Variants in USP42 observed in about 807,000 individuals in gnomAD.
USP42 encodes ubiquitin carboxyl-terminal hydrolase 42.
Under a neutral mutation model 113.0 loss-of-function variants are expected in USP42, and 23 were observed. The ratio of observed to expected loss-of-function variants is 0.20; its 90% CI spans 0.15 to 0.29. The LOEUF is 0.29. Ranked by LOEUF, USP42 falls within the 10% of genes least tolerant of loss-of-function variation. The probability of loss-of-function intolerance (pLI) is 1.00; values close to 1 mark genes in which losing one functional copy is unlikely to be tolerated. For synonymous variants in USP42, 933 were observed against 699.0 expected (o/e 1.33, Z -5.28); for missense variants, 2,174 against 1,779.8 (o/e 1.22, Z -3.99).
chr7:6,100,816 G>A (rs1583553461), upstream of USP42, among the ~76,000 whole-genome samples: 1 of 149,590 alleles, frequency 6.7e-6, no homozygotes, highest in Admixed American at 6.6e-5. Flanking sequence ...ATAGGCGCGC[G>A]CTACCACACT....
upstream of USP42, among the ~76,000 whole-genome samples, chr7:6,102,238 C>A (rs1790149055): frequency 6.7e-6 from 1 of 148,740 alleles, no homozygotes; most frequent in Non-Finnish European, 1.5e-5. Context: ...GCCTCAGCCT[C>A]CCAGTAGCTG....
At chr7:6,115,642 A>C (rs1562806613) in intron 3 of USP42, 119 bp downstream of exon 3, 1 of 1,266,666 alleles carries the variant, frequency 7.9e-7, no homozygotes, top group African/African-American at 1.5e-5. Flanking sequence ...AAGTTGGTTT[A>C]TTCTTTTAGA....
At chr7:6,117,193 T>C (rs1232181894) in intron 3 of USP42, among the ~76,000 whole-genome samples, 1 of 152,152 alleles carries the variant, frequency 6.6e-6, no homozygotes, top group African/African-American at 2.4e-5. Flanking sequence ...AATCACCCTT[T>C]CCATCCTTTC....
In USP42 at chr7:6,125,378, T is replaced by G. The variant is rs568286219; in HGVS notation, c.442+9855T>G. ...GGTGGCAGATGCCTGTAATCTCAGCTACTTCGGAGACTGAGGTGGGAGAAT... is the reference window on the plus strand; with the variant it reads ...GGTGGCAGATGCCTGTAATCTCAGCGACTTCGGAGACTGAGGTGGGAGAAT... On this transcript the variant is annotated intron_variant, in intron 3 of 17. Transcript: ENST00000306177. 3.4e-3 allele frequency among the ~76,000 whole-genome samples: 520 copies of G among 151,986 alleles called. 2 individuals carry two copies. The highest frequency in any genetic ancestry group is 4.0e-3 in the Non-Finnish European group (272 of 67,986).
intron 1 of USP42, among the ~76,000 whole-genome samples, chr7:6,109,154 A>T (rs1779453816): frequency 6.6e-6 from 1 of 152,202 alleles, no homozygotes; most frequent in Non-Finnish European, 1.5e-5. Flanking sequence ...TAAACTGAGA[A>T]GTGGAAGTGT....
chr7:6,114,970 G>T (rs146696768), intron 2 of USP42, among the ~76,000 whole-genome samples: 1 of 151,874 alleles, frequency 6.6e-6, no homozygotes, highest in African/African-American at 2.4e-5. Flanking sequence ...GATTATAGGC[G>T]TGAGCCACTG....
At chr7:6,135,105 C>T (rs1034521731) in intron 3 of USP42, among the ~76,000 whole-genome samples, 2 of 152,182 alleles carry the variant, frequency 1.3e-5, no homozygotes, top group Non-Finnish European at 2.9e-5. Context: ...AGTGATGTCT[C>T]ATCCCTGCTG....
intron 2 of USP42, among the ~76,000 whole-genome samples, chr7:6,114,627 C>CGT (rs1380835040): frequency 2.7e-5 from 3 of 112,180 alleles, no homozygotes; most frequent in Non-Finnish European, 5.0e-5. Flanking sequence ...ACATAAAATA[C>CGT]GTGTGTGTGT....
chr7:6,138,003 T>G (rs531888276), intron 4 of USP42, among the ~76,000 whole-genome samples: 1 of 152,298 alleles, frequency 6.6e-6, no homozygotes, highest in East Asian at 1.9e-4. Context: ...TTATACATAT[T>G]TATATAGCAG....
At chr7:6,113,065 A>G (rs1446885576) in intron 2 of USP42, among the ~76,000 whole-genome samples, 3 of 151,416 alleles carry the variant, frequency 2.0e-5, no homozygotes, top group Admixed American at 6.6e-5. Flanking sequence ...CACCATGCCC[A>G]GCTACATTTT....
intron 3 of USP42, among the ~76,000 whole-genome samples, chr7:6,130,359 G>A (rs187826692): frequency 6.6e-6 from 1 of 152,170 alleles, no homozygotes; most frequent in African/African-American, 2.4e-5. Flanking sequence ...TCCCCACATG[G>A]TCTCCACGGA....
chr7:6,096,543 C>T, the USP42 span, among the ~76,000 whole-genome samples: 3 of 151,234 alleles, frequency 2.0e-5, no homozygotes, highest in East Asian at 5.8e-4. Flanking sequence ...TTCATCTGTA[C>T]GTTGTTGGGG....
intron 4 of USP42, among the ~76,000 whole-genome samples, chr7:6,136,892 C>T (rs557041859): frequency 7.9e-4 from 120 of 151,736 alleles, no homozygotes; most frequent in African/African-American, 2.8e-3. Context: ...ATCCTCTTGC[C>T]CCAGTTGAGT....
intron 17 of USP42, among the ~76,000 whole-genome samples, 152 bp from the exon 18 acceptor site, chr7:6,160,403 C>G (rs577228740): frequency 6.7e-6 from 1 of 148,902 alleles, no homozygotes; most frequent in South Asian, 2.1e-4. Context: ...CCAGTTCCCT[C>G]ATTTCCACTC....
At chr7:6,092,604 C>G in the USP42 span, among the ~76,000 whole-genome samples, 1 of 151,334 alleles carries the variant, frequency 6.6e-6, no homozygotes, top group Admixed American at 6.6e-5. Flanking sequence ...TGTGTAATAA[C>G]TAATTAACAC....
chr7:6,142,773 G>C (rs1447115236), intron 7 of USP42, among the ~76,000 whole-genome samples, 159 bp from the exon 8 acceptor site: 2 of 152,102 alleles, frequency 1.3e-5, no homozygotes, highest in East Asian at 3.9e-4. Flanking sequence ...TGGTTTAGCT[G>C]CTCGGGAGGC....
At chr7:6,127,658 T>G (rs749955153) in intron 3 of USP42, among the ~76,000 whole-genome samples, 2 of 152,230 alleles carry the variant, frequency 1.3e-5, no homozygotes, top group Non-Finnish European at 2.9e-5. Context: ...TCTACACAAG[T>G]CCTTGTTACT....
At position 6,161,326 on chromosome 7, in the gene USP42, A is replaced by G. The variant is rs879158499; in HGVS notation, c.*808A>G. ...TACTGTGATTTTATTTTTAATATGG[A>G]TATGCTATCAAACTGTGATACACTT... On this transcript the variant is annotated 3_prime_UTR_variant, in exon 18 of 18. Transcript: ENST00000306177. The G allele has an allele frequency of 6.6e-6, 1 of 152,480 alleles. No individual in the cohort carries two copies. Among genetic ancestry groups the G allele is most frequent in the Admixed American group, 6.6e-5 (1 of 15,254 alleles). 9.4% of individuals were successfully genotyped at this position (152,480 alleles called of 1,614,324 possible).
intron 15 of USP42, among the ~76,000 whole-genome samples, 179 bp downstream of exon 15, chr7:6,155,374 T>C (rs955922511): frequency 1.3e-5 from 2 of 152,222 alleles, no homozygotes; most frequent in Admixed American, 6.5e-5. Flanking sequence ...TTGTAAAAAT[T>C]TGCCCTGCTT....
Sources: gnomAD v4.1 joint callset for allele counts (sites outside exome capture counted in the v4.1 genomes callset) on GRCh38, gnomAD v4.1.1 for gene constraint, MANE v1.5 for transcripts, NCBI Gene and HGNC (gene_info 2026-07-23, HGNC 2026-07-21) for gene names.